Variants in SMAD4 observed in about 807,000 individuals in gnomAD.
The protein encoded by SMAD4 is MAD homolog 4.
SMAD4 carries 7 observed loss-of-function variants against 63.2 expected under a neutral mutation model. The observed-to-expected ratio is 0.11, with a 90% CI of 0.06 to 0.21. The LOEUF (loss-of-function observed/expected upper bound fraction) is 0.21, where lower values mean the gene tolerates loss of function less well. Ranked by LOEUF, SMAD4 falls within the 10% of genes least tolerant of loss-of-function variation. SMAD4 has a pLI of 1.00. For missense variants in SMAD4, 312 were observed against 693.8 expected, an observed-to-expected ratio of 0.45 and a Z score of 6.18; for synonymous variants, 215 against 235.4, an observed-to-expected ratio of 0.91 and a Z score of 0.79.
chr18:51,043,068 A>C (rs1909436800), intron 1 of SMAD4, among the ~76,000 whole-genome samples: 1 of 152,230 alleles, frequency 6.6e-6, no homozygotes, highest in Admixed American at 6.5e-5. Context: ...AGTACACATT[A>C]TATATTAAGC....
Position 51,081,378 on chromosome 18 carries a change from T to G in SMAD4, c.*2911T>G, listed in dbSNP as rs548592610. ...AATCCTTCATGGTGTTGCCTTTATT[T>G]TCCGGGGAGTAGATCGTGGGATATA... On this transcript the variant is annotated 3_prime_UTR_variant, in exon 12 of 12. Coordinates refer to ENST00000342988, the MANE Select transcript of SMAD4 (RefSeq NM_005359.6). The G allele has an allele frequency of 4.3e-6, 1 of 230,060 alleles. No individual in the cohort carries two copies. Among genetic ancestry groups the G allele is most frequent in the South Asian group, 1.8e-4 (1 of 5,494 alleles). 14.3% of individuals were successfully genotyped at this position (230,060 alleles called of 1,614,324 possible). A position where few individuals can be genotyped will look rare whatever the true frequency, so the allele number is the denominator to read the frequency against.
chr18:51,043,224 A>G (rs536770747), intron 1 of SMAD4, among the ~76,000 whole-genome samples: 2 of 152,290 alleles, frequency 1.3e-5, no homozygotes, highest in Admixed American at 6.5e-5. Context: ...GAGAGTCCAG[A>G]CCCACTTTCT....
intron 2 of SMAD4, 64 bp from the exon 3 acceptor site, chr18:51,048,622 T>C: frequency 7.1e-7 from 1 of 1,406,746 alleles, no homozygotes; most frequent in Non-Finnish European, 1.0e-6. Context: ...GAGGATTAAA[T>C]CAGAATATAT....
rs199809905 is a variant in SMAD4, at chr18:51,054,933, C to G, written c.607C>G (p.Pro203Ala). ...ETYSTPALLA[P>A]SESNATSTAN... is the part of the protein sequence containing the mutation. ...ATACAGCACCCCAGCTCTGTTAGCC[C>G]CATCTGAGTCTAATGCTACCAGCAC... Residue 203 changes from proline (P) to alanine (A), a missense_variant, in exon 5 of 12, where the codon CCA becomes GCA. By Grantham distance (27) the Pro-to-Ala change is conservative (BLOSUM62 -1). Around this residue, in one of 4 missense-constraint regions of SMAD4, gnomAD observed 169 missense variants for 211.0 expected, o/e 0.80. Transcript: ENST00000342988. 8 of 1,614,112 alleles carry G rather than the reference C, an allele frequency of 5.0e-6. No individual in the cohort carries two copies. The highest frequency in any genetic ancestry group is 6.8e-6 in the Non-Finnish European group (8 of 1,179,984).
Position 51,032,337 on chromosome 18 carries a change from TC to T in SMAD4, c.-128+1715del, listed in dbSNP as rs917315989. Among the ~76,000 whole-genome samples the T allele has an allele frequency of 2.0e-4, 30 of 152,190 alleles. 1 individual carries two copies. Among genetic ancestry groups the T allele is most frequent in the Admixed American group, 1.7e-3 (26 of 15,280 alleles). ...TTTAGGTCACTGCCTTCATTGTAAA[TC>T]TTGAGTTTAGAAAAAACCAAACTGC... On this transcript the variant is annotated intron_variant, in intron 1 of 11. Coordinates refer to ENST00000342988, the MANE Select transcript of SMAD4 (RefSeq NM_005359.6).
chr18:51,031,684 G>A (rs904189226), intron 1 of SMAD4, among the ~76,000 whole-genome samples: 2 of 151,738 alleles, frequency 1.3e-5, no homozygotes, highest in East Asian at 1.9e-4. Context: ...TGGTTACTCG[G>A]GTGTTTTAAG....
chr18:51,075,021 TTACTA>T (rs1910436697), intron 10 of SMAD4, among the ~76,000 whole-genome samples: 2 of 152,328 alleles, frequency 1.3e-5, no homozygotes, highest in Non-Finnish European at 2.9e-5. Flanking sequence ...ATTGCTTTCT[TTACTA>T]AAGTATTTTA....
rs377767386 is a variant in SMAD4 at position 51,048,861 on chromosome 18, G to A, written c.424+1G>A. Reference sequence around the variant, plus strand: ...GAACGAGTTGTATCACCTGGAATTGGTAAGTAGACTTTGCTTTCATCCTAA... The same window carrying A: ...GAACGAGTTGTATCACCTGGAATTGATAAGTAGACTTTGCTTTCATCCTAA... On this transcript the variant is annotated splice_donor_variant, in intron 3 of 11. Transcript: ENST00000342988. LOFTEE classifies it high-confidence loss of function. The A allele has an allele frequency of 6.2e-7, 1 of 1,609,546 alleles. No homozygotes were observed. Among genetic ancestry groups the A allele is most frequent in the Non-Finnish European group, 8.5e-7 (1 of 1,177,038 alleles).
chr18:51,067,295 TAAG>T (rs1166378903), intron 10 of SMAD4, 108 bp downstream of exon 10: 7 of 599,696 alleles, frequency 1.2e-5, no homozygotes, highest in Admixed American at 5.9e-5. Flanking sequence ...TATTAAATAA[TAAG>T]AAATTGTGTT....
chr18:51,060,054 C>T (rs928727634), intron 8 of SMAD4, 138 bp downstream of exon 8: 35 of 716,508 alleles, frequency 4.9e-5, no homozygotes, highest in Non-Finnish European at 8.7e-5. Context: ...AGTTAATCAA[C>T]AGTTTGAGTA....
Position 51,047,016 on chromosome 18 carries a change from A to G in SMAD4, c.-31A>G. The G allele has an allele frequency of 1.2e-6, 2 of 1,605,660 alleles. No individual in the cohort carries two copies. Among genetic ancestry groups the G allele is most frequent in the Non-Finnish European group, 8.5e-7 (1 of 1,172,632 alleles). ...CAAAATTGCTTCAGAAATTGGAGACATATTTGATTTAAAAGGAAAAACTTG... is the reference window on the plus strand; with the variant it reads ...CAAAATTGCTTCAGAAATTGGAGACGTATTTGATTTAAAAGGAAAAACTTG... On this transcript the variant is annotated 5_prime_UTR_variant, in exon 2 of 12. Coordinates refer to ENST00000342988, the MANE Select transcript of SMAD4 (RefSeq NM_005359.6).
Position 51,082,235 on chromosome 18 carries a change from A to G in SMAD4, c.*3768A>G, listed in dbSNP as rs1910627917. On this transcript the variant is annotated 3_prime_UTR_variant, in exon 12 of 12. Transcript: ENST00000342988. ...AGTAATGCATTTTTTTTTCCCGTAA[A>G]GGCAGAATCCATCTTGTTGCAGATA... 4.4e-6 allele frequency: 1 copy of G among 229,872 alleles called. No homozygotes were observed. The highest frequency in any genetic ancestry group is 5.7e-5 in the Admixed American group (1 of 17,664). 14.2% of individuals were successfully genotyped at this position (229,872 alleles called of 1,614,324 possible). A position where few individuals can be genotyped will look rare whatever the true frequency, so the allele number is the denominator to read the frequency against.
intron 1 of SMAD4, among the ~76,000 whole-genome samples, chr18:51,039,200 CTGAT>C (rs889294090): frequency 2.0e-5 from 3 of 152,182 alleles, no homozygotes; most frequent in Admixed American, 6.5e-5. Context: ...GACTAAATTA[CTGAT>C]TGATTGAATT....
At chr18:51,065,388 AT>A (rs1301687117) in intron 8 of SMAD4, 34 bp from the exon 9 acceptor site, 1 of 1,566,270 alleles carries the variant, frequency 6.4e-7, no homozygotes, top group Non-Finnish European at 8.8e-7. Flanking sequence ...TATCTTTCTC[AT>A]GGGAGGATGT....
intron 1 of SMAD4, among the ~76,000 whole-genome samples, chr18:51,030,994 A>G (rs1909032648): frequency 1.3e-5 from 2 of 152,116 alleles, no homozygotes; most frequent in Admixed American, 1.3e-4. Context: ...GGTCTAAGTG[A>G]AAGTTGTAAA....
chr18:51,042,283 GC>G (rs1404992030), intron 1 of SMAD4, among the ~76,000 whole-genome samples: 1 of 144,424 alleles, frequency 6.9e-6, no homozygotes, highest in Non-Finnish European at 1.5e-5. Context: ...TTTCTTGCCT[GC>G]CTGCCTCCCT....
chr18:51,059,901 A>G lies in SMAD4; in HGVS notation c.940A>G (p.Ile314Val), dbSNP rs748622028. 3.1e-6 allele frequency: 5 copies of G among 1,612,126 alleles called. No individual in the cohort carries two copies. The highest frequency in any genetic ancestry group is 4.2e-6 in the Non-Finnish European group (5 of 1,178,450). ...CAATGAGCTTGCATTCCAGCCTCCC[A>G]TTTCCAATCATCCTGGTAAGTGTAT... ...VHNELAFQPP[I>V]SNHPAPEYWC... Residue 314 changes from isoleucine (I) to valine (V), a missense_variant, in exon 8 of 12, where the codon ATT (isoleucine) becomes GTT (valine). Around this residue, in one of 4 missense-constraint regions of SMAD4, gnomAD observed 169 missense variants for 211.0 expected, o/e 0.80. Transcript: ENST00000342988.
rs78015408 is a variant in SMAD4 at position 51,038,546 on chromosome 18, T to G, written c.-128+7923T>G. On this transcript the variant is annotated intron_variant, in intron 1 of 11. Transcript: ENST00000342988. ...GAAGGCTGTTAAAATACTCCTCTCTTCCAATTAGCTGTCCATGTGAGACAC... is the reference window on the plus strand; with the variant it reads ...GAAGGCTGTTAAAATACTCCTCTCTGCCAATTAGCTGTCCATGTGAGACAC... Among the ~76,000 whole-genome samples the G allele has an allele frequency of 7.1e-3, 1,084 of 152,306 alleles. 11 individuals carry two copies. The highest frequency in any genetic ancestry group is 0.025 in the African/African-American group (1,024 of 41,552).
At chr18:51,049,067 G>T (rs745565217) in intron 3 of SMAD4, among the ~76,000 whole-genome samples, 2 of 152,184 alleles carry the variant, frequency 1.3e-5, no homozygotes, top group Non-Finnish European at 2.9e-5. Context: ...TATTGTAGTT[G>T]ATATTTTGCC....
Sources: allele counts gnomAD v4.1 joint callset (sites outside exome capture counted in the v4.1 genomes callset), GRCh38; gene constraint gnomAD v4.1.1; regional missense constraint gnomAD v4.1.1; transcripts MANE v1.5; gene names NCBI Gene and HGNC (gene_info 2026-07-23, HGNC 2026-07-21).